Variants in CDKN1A observed in about 807,000 individuals in gnomAD.
The protein encoded by CDKN1A is cyclin-dependent kinase inhibitor 1.
A neutral mutation model predicts 14.8 loss-of-function variants in CDKN1A; 14 were observed. The observed-to-expected ratio is 0.94, with a 90% CI of 0.62 to 1.48. The LOEUF is 1.48. Ranked by LOEUF, CDKN1A falls within the 40% of genes most tolerant of loss-of-function variation. The pLI is 0.00. For missense variants in CDKN1A, 203 were observed against 231.7 expected (o/e 0.88, Z 0.80); for synonymous variants, 92 against 93.5 (o/e 0.98, Z 0.09).
chr6:36,682,275 A>ATTTT (rs1217741635), intron 1 of CDKN1A, among the ~76,000 whole-genome samples: 6 of 152,222 alleles, frequency 3.9e-5, no homozygotes, highest in Non-Finnish European at 1.5e-5. Context: ...GAGGATTGAT[A>ATTTT]TTTTTAAACT....
chr6:36,681,411 T>TTCTCTTTCTCTTTC (rs1761994732), intron 1 of CDKN1A, among the ~76,000 whole-genome samples: 1 of 88,874 alleles, frequency 1.1e-5, no homozygotes, highest in Admixed American at 1.2e-4. Flanking sequence ...CTTTCTTCCT[T>TTCTCTTTCTCTTTC]TCTCTTTCTC....
intron 1 of CDKN1A, among the ~76,000 whole-genome samples, chr6:36,682,443 C>A (rs1231492238): frequency 1.3e-5 from 2 of 152,204 alleles, no homozygotes; most frequent in Admixed American, 1.3e-4. Flanking sequence ...GACTCAGGGG[C>A]AAGTCTCATA....
chr6:36,684,624 G>T lies in CDKN1A; in HGVS notation c.445+78G>T, dbSNP rs766176058. On this transcript the variant is annotated intron_variant, in intron 2 of 2. Transcript: ENST00000244741. The surrounding 1 kb of genome is among the most constrained non-coding windows in gnomAD (Gnocchi z 6.0). ...CATGGTCCAAGGGCTGACCTGTCTG[G>T]TCCTGGTCCAGCATGCTCCAGGTAG... The T allele has an allele frequency of 1.5e-5, 21 of 1,406,342 alleles. No individual in the cohort carries two copies. Among genetic ancestry groups the T allele is most frequent in the Admixed American group, 3.5e-5 (2 of 57,042 alleles). 87.1% of individuals were successfully genotyped at this position (1,406,342 alleles called of 1,614,324 possible).
intron 1 of CDKN1A, chr6:36,680,533 T>G (rs1244218947): frequency 6.7e-6 from 1 of 150,308 alleles, no homozygotes. Flanking sequence ...TGCAGGAAAC[T>G]GACTCATCAC....
chr6:36,685,566 G>A (rs948319635), intron 2 of CDKN1A, among the ~76,000 whole-genome samples, 185 bp from the exon 3 acceptor site: 13 of 152,210 alleles, frequency 8.5e-5, no homozygotes, highest in African/African-American at 3.1e-4. Context: ...GTGAAGCATG[G>A]TGGGACACTC....
upstream of CDKN1A, among the ~76,000 whole-genome samples, chr6:36,677,324 G>A (rs1441090007): frequency 5.3e-5 from 8 of 152,276 alleles, no homozygotes; most frequent in East Asian, 1.9e-4. Context: ...GGTCAGCTGC[G>A]TTAGAGGAAG....
At chr6:36,678,114 C>G, upstream of CDKN1A, 1 of 374,324 alleles carries the variant, frequency 2.7e-6, no homozygotes, top group East Asian at 5.8e-5. The surrounding 1 kb of genome is among the most constrained non-coding windows in gnomAD (Gnocchi z 5.7). Flanking sequence ...ATAAACGGGA[C>G]TGAAAAATCA....
chr6:36,682,807 T>A (rs1762062622), intron 1 of CDKN1A: 1 of 152,242 alleles, frequency 6.6e-6, no homozygotes, highest in African/African-American at 2.4e-5. Flanking sequence ...AGGAGCCAGG[T>A]AGACCAGCCA....
Position 36,678,850 on chromosome 6 carries a change from C to A in CDKN1A, c.-6+52C>A. On this transcript the variant is annotated intron_variant, in intron 1 of 2. Transcript: ENST00000244741. The surrounding 1 kb of genome is among the most constrained non-coding windows in gnomAD (Gnocchi z 5.7). ...GGACCCCGGGCCGGCGGCCCAGAGC[C>A]GAGCCAAGCGTGCCCGCGTGTGTCC... The A allele has an allele frequency of 1.0e-6, 1 of 985,690 alleles. No homozygotes were observed. The highest frequency in any genetic ancestry group is 1.2e-6 in the Non-Finnish European group (1 of 830,104). The allele number at this position is 985,690 out of a possible 1,614,324, so 61.1% of individuals were successfully genotyped here.
intron 1 of CDKN1A, among the ~76,000 whole-genome samples, chr6:36,681,558 G>A (rs1237927030): frequency 6.8e-6 from 1 of 147,204 alleles, no homozygotes; most frequent in Non-Finnish European, 1.5e-5. Context: ...GGGACCACAG[G>A]CGTGATCCCC....
chr6:36,677,769 G>A (rs1401415271), upstream of CDKN1A: 1 of 738,184 alleles, frequency 1.4e-6, no homozygotes, highest in African/African-American at 1.8e-5. Flanking sequence ...TCATTTCTTT[G>A]CTGCATGATC....
rs1761784319 is a variant in CDKN1A, at chr6:36,678,781, C to T, written c.-23C>T. Reference sequence around the variant, plus strand: ...AGCTGGGCGCGGATTCGCCGAGGCACCGAGGCACTCAGAGGAGGTGAGAGA... The same window carrying T: ...AGCTGGGCGCGGATTCGCCGAGGCATCGAGGCACTCAGAGGAGGTGAGAGA... On this transcript the variant is annotated 5_prime_UTR_variant, in exon 1 of 3. Transcript: ENST00000244741. The surrounding 1 kb of genome is among the most constrained non-coding windows in gnomAD (Gnocchi z 5.7). The T allele has an allele frequency of 1.0e-6, 1 of 985,842 alleles. No individual in the cohort carries two copies. The highest frequency in any genetic ancestry group is 4.7e-5 in the South Asian group (1 of 21,298). The allele number at this position is 985,842 out of a possible 1,614,324, so 61.1% of individuals were successfully genotyped here. A position where few individuals can be genotyped will look rare whatever the true frequency, so the allele number is the denominator to read the frequency against.
Position 36,684,263 on chromosome 6 carries a change from C to T in CDKN1A, c.162C>T (p.Val54=), listed in dbSNP as rs755145704. The change falls in exon 2 of 3, where the codon GTC becomes GTT. Residue 54 remains valine (V), a synonymous_variant. Coordinates refer to ENST00000244741, the MANE Select transcript of CDKN1A (RefSeq NM_000389.5). This position sits in a 1 kb window ranked among gnomAD's most constrained non-coding sequence, Gnocchi z 6.0. Reference sequence around the variant, plus strand: ...GTGAGCGATGGAACTTCGACTTTGTCACCGAGACACCACTGGAGGGTGACT... The same window carrying T: ...GTGAGCGATGGAACTTCGACTTTGTTACCGAGACACCACTGGAGGGTGACT... ...EARERWNFDF[V]TETPLEGDFA... 1 of 1,612,910 alleles carries T rather than the reference C, an allele frequency of 6.2e-7. No homozygotes were observed. Among genetic ancestry groups the T allele is most frequent in the South Asian group, 1.1e-5 (1 of 91,076 alleles).
chr6:36,681,301 T>C (rs1056295722), intron 1 of CDKN1A, among the ~76,000 whole-genome samples: 4 of 120,344 alleles, frequency 3.3e-5, no homozygotes, highest in Admixed American at 1.7e-4. Context: ...TCTTTCTTTC[T>C]TTCTTTCTTT....
intron 1 of CDKN1A, among the ~76,000 whole-genome samples, chr6:36,680,279 C>G (rs753228176): frequency 5.0e-5 from 7 of 138,854 alleles, no homozygotes; most frequent in East Asian, 2.1e-4. Context: ...CGGCTCCCGG[C>G]GCGCGCGCGC....
At position 36,679,621 on chromosome 6, in the gene CDKN1A, C is replaced by T. The variant is rs4647894; in HGVS notation, c.-6+823C>T. 7.7e-3 allele frequency among the ~76,000 whole-genome samples: 1,166 copies of T among 152,338 alleles called. 11 individuals carry two copies. Among genetic ancestry groups the T allele is most frequent in the African/African-American group, 0.024 (996 of 41,576 alleles). On this transcript the variant is annotated intron_variant, in intron 1 of 2. Coordinates refer to ENST00000244741, the MANE Select transcript of CDKN1A (RefSeq NM_000389.5). ...CCCAAGGAAGCCGGGCACTGGAGGTCCGGGACACCGCGTCGGGTCCCCGCT... is the reference window on the plus strand; with the variant it reads ...CCCAAGGAAGCCGGGCACTGGAGGTTCGGGACACCGCGTCGGGTCCCCGCT...
Position 36,687,270 on chromosome 6 carries a change from A to G in CDKN1A, c.*1470A>G. The G allele has an allele frequency of 4.3e-6, 1 of 233,032 alleles. No homozygotes were observed. Among genetic ancestry groups the G allele is most frequent in the African/African-American group, 2.2e-5 (1 of 45,432 alleles). The allele number at this position is 233,032 out of a possible 1,614,324, so 14.4% of individuals were successfully genotyped here. On this transcript the variant is annotated 3_prime_UTR_variant, in exon 3 of 3. Transcript: ENST00000244741. ...CACCCTGTACTGTTCTGTGTCTTTC[A>G]CAGCTCCTCCCACAATGCTGAATAT...
Position 36,685,949 on chromosome 6 carries a change from T to C in CDKN1A, c.*149T>C. ...TCATGTACATACCCTGGCCGCCCCC[T>C]GCCCCCCAGCCTCTGGCATTAGAAT... On this transcript the variant is annotated 3_prime_UTR_variant, in exon 3 of 3. Coordinates refer to ENST00000244741, the MANE Select transcript of CDKN1A (RefSeq NM_000389.5). 1.3e-6 allele frequency: 1 copy of C among 778,982 alleles called. No homozygotes were observed. Among genetic ancestry groups the C allele is most frequent in the Non-Finnish European group, 2.2e-6 (1 of 451,320 alleles). The allele number at this position is 778,982 out of a possible 1,614,324, so 48.3% of individuals were successfully genotyped here. A position where few individuals can be genotyped will look rare whatever the true frequency, so the allele number is the denominator to read the frequency against.
chr6:36,681,304 CTT>C (rs1348578356), intron 1 of CDKN1A, among the ~76,000 whole-genome samples: 1 of 122,726 alleles, frequency 8.1e-6, no homozygotes, highest in Non-Finnish European at 1.8e-5. Flanking sequence ...TTCTTTCTTT[CTT>C]TCTTTCTTTC....
Sources: allele counts gnomAD v4.1 joint callset (sites outside exome capture counted in the v4.1 genomes callset), GRCh38; gene constraint gnomAD v4.1.1; non-coding constraint Gnocchi (gnomAD v3.1); transcripts MANE v1.5; gene names NCBI Gene and HGNC (gene_info 2026-07-23, HGNC 2026-07-21).